The following CD2AP variants were observed in gnomAD, a reference collection of about 807,000 sequenced individuals.
The protein encoded by CD2AP is CD2 associated protein.
In CD2AP, 46 loss-of-function variants were observed where a neutral mutation model predicts 85.1. That is an observed-to-expected ratio of 0.54 (90% CI 0.43 to 0.69). The LOEUF is 0.69. Among genes scored for constraint, CD2AP ranks in the 30% least tolerant of loss-of-function variants. The probability of loss-of-function intolerance (pLI) is 0.00; values close to 1 mark genes in which losing one functional copy is unlikely to be tolerated. For synonymous variants in CD2AP, 255 were observed against 252.9 expected (o/e 1.01, Z -0.08); for missense variants, 769 against 729.5 (o/e 1.05, Z -0.62).
chr6:47,537,073 G>T (rs1341380002), intron 3 of CD2AP, among the ~76,000 whole-genome samples: 1 of 152,174 alleles, frequency 6.6e-6, no homozygotes, highest in East Asian at 1.9e-4. Flanking sequence ...GAGTGTAAAA[G>T]ATACATTGAG....
intron 17 of CD2AP, among the ~76,000 whole-genome samples, chr6:47,622,414 G>A (rs1262936445): frequency 2.0e-5 from 3 of 150,240 alleles, no homozygotes; most frequent in Admixed American, 2.0e-4. Context: ...TTCTCCCTGT[G>A]GAGTTTTACC....
chr6:47,591,507 A>AT (rs1473792499), intron 11 of CD2AP, among the ~76,000 whole-genome samples: 2 of 152,132 alleles, frequency 1.3e-5, no homozygotes, highest in Non-Finnish European at 2.9e-5. Context: ...TAGGTAGTAC[A>AT]TTTTTTCTCT....
chr6:47,594,002 A>C (rs1170993129), intron 11 of CD2AP, among the ~76,000 whole-genome samples: 1 of 152,104 alleles, frequency 6.6e-6, no homozygotes, highest in Non-Finnish European at 1.5e-5. Flanking sequence ...AAGAGGCTAA[A>C]CTGCTAAAAC....
chr6:47,590,425 A>G (rs901672637), intron 11 of CD2AP, among the ~76,000 whole-genome samples: 2 of 152,138 alleles, frequency 1.3e-5, no homozygotes, highest in Non-Finnish European at 2.9e-5. Flanking sequence ...GAGACAAAAA[A>G]GATAGAAAAT....
chr6:47,614,821 C>T (rs538252312), intron 17 of CD2AP, among the ~76,000 whole-genome samples: 2 of 152,298 alleles, frequency 1.3e-5, no homozygotes, highest in African/African-American at 4.8e-5. Context: ...TTCATTCTTT[C>T]TTTGCTCAGG....
chr6:47,544,722 G>A lies in CD2AP; in HGVS notation c.420+16G>A. 10 of 1,421,576 alleles carry A rather than the reference G, an allele frequency of 7.0e-6. No homozygotes were observed. Among genetic ancestry groups the A allele is most frequent in the Non-Finnish European group, 1.0e-5 (10 of 1,004,840 alleles). 88.1% of individuals were successfully genotyped at this position (1,421,576 alleles called of 1,614,324 possible). ...TAATGAAGAGGTAAGGAAAAAATGT[G>A]TTACAGGTAAAACAGTAATGGTAAT... On this transcript the variant is annotated intron_variant, in intron 4 of 17. Coordinates refer to ENST00000359314, the MANE Select transcript of CD2AP (RefSeq NM_012120.3).
At chr6:47,542,685 A>G (rs530697467) in intron 3 of CD2AP, among the ~76,000 whole-genome samples, 1 of 152,280 alleles carries the variant, frequency 6.6e-6, no homozygotes, top group South Asian at 2.1e-4. Context: ...GTAAATTTAT[A>G]CTATCTTCAT....
At chr6:47,560,748 T>A (rs933549176) in intron 5 of CD2AP, among the ~76,000 whole-genome samples, 2 of 152,184 alleles carry the variant, frequency 1.3e-5, no homozygotes, top group Non-Finnish European at 2.9e-5. Flanking sequence ...GCCACTGTAC[T>A]TTTACTGTTT....
intron 1 of CD2AP, 138 bp from the exon 2 acceptor site, chr6:47,503,142 T>C: frequency 6.1e-6 from 5 of 816,836 alleles, no homozygotes; most frequent in East Asian, 2.7e-5. Context: ...TTTAAAGTAA[T>C]TGAAATCAGC....
chr6:47,623,742 A>T (rs999522155), intron 17 of CD2AP, among the ~76,000 whole-genome samples: 1 of 152,170 alleles, frequency 6.6e-6, no homozygotes, highest in Admixed American at 6.6e-5. Context: ...CAAGTGATTT[A>T]ACAATAATTA....
At chr6:47,499,801 T>C (rs1765955411) in intron 1 of CD2AP, among the ~76,000 whole-genome samples, 1 of 152,202 alleles carries the variant, frequency 6.6e-6, no homozygotes, top group African/African-American at 2.4e-5. Context: ...CGACCTCGGC[T>C]CACTGCAACT....
At chr6:47,515,917 C>G (rs4715025) in intron 2 of CD2AP, among the ~76,000 whole-genome samples, 34,444 of 151,248 alleles carry the variant, frequency 0.23, 4,076 homozygotes, top group Non-Finnish European at 0.27. Flanking sequence ...AATTCAAAGA[C>G]TAAAGATGGA....
At chr6:47,503,495 AT>A in intron 2 of CD2AP, 55 bp downstream of exon 2, 1 of 1,386,296 alleles carries the variant, frequency 7.2e-7, no homozygotes, top group Non-Finnish European at 1.0e-6. Flanking sequence ...TAATCTTTAA[AT>A]GTTAAGAAAT....
chr6:47,492,479 A>G (rs1055098630), intron 1 of CD2AP, among the ~76,000 whole-genome samples: 1 of 151,206 alleles, frequency 6.6e-6, no homozygotes, highest in Admixed American at 6.6e-5. Flanking sequence ...TAGGCTCCCA[A>G]GTAGCTAGGA....
At chr6:47,572,977 G>A (rs144595088) in intron 5 of CD2AP, among the ~76,000 whole-genome samples, 3 of 151,744 alleles carry the variant, frequency 2.0e-5, no homozygotes, top group Admixed American at 6.6e-5. Context: ...TCCTTACCCC[G>A]TACCCCCGGT....
rs1156342196 is a variant in CD2AP, at chr6:47,626,157, G to A, written c.*1930G>A. ...CAGGCTGTTCTTAAAGTTTTTGTTG[G>A]TCATTTTCTCAATAGTACATGAAAT... is the stretch of plus-strand genomic sequence containing the variant. On this transcript the variant is annotated 3_prime_UTR_variant, in exon 18 of 18. Coordinates refer to ENST00000359314, the MANE Select transcript of CD2AP (RefSeq NM_012120.3). The A allele has an allele frequency of 5.3e-5, 8 of 151,876 alleles. No homozygotes were observed. The highest frequency in any genetic ancestry group is 1.4e-4 in the African/African-American group (6 of 41,410). 9.4% of individuals were successfully genotyped at this position (151,876 alleles called of 1,614,324 possible). A position where few individuals can be genotyped will look rare whatever the true frequency, so the allele number is the denominator to read the frequency against.
chr6:47,483,692 C>G (rs189208554), intron 1 of CD2AP, among the ~76,000 whole-genome samples: 3 of 152,044 alleles, frequency 2.0e-5, no homozygotes, highest in African/African-American at 7.2e-5. Context: ...TCCAGAATTA[C>G]TGGGGTGAAT....
intron 8 of CD2AP, among the ~76,000 whole-genome samples, chr6:47,577,434 A>AT (rs754355534): frequency 2.8e-4 from 42 of 151,802 alleles, no homozygotes; most frequent in Non-Finnish European, 5.0e-4. Context: ...ACCTCATTCT[A>AT]TTTTTTCTCC....
At position 47,581,998 on chromosome 6, in the gene CD2AP, C is replaced by T. The variant is rs371140357; in HGVS notation, c.1046-5C>T. 1.5e-5 allele frequency: 24 copies of T among 1,591,870 alleles called. No homozygotes were observed. In the East Asian group the frequency reaches 3.8e-4, roughly 25 times the overall value. On this transcript the variant is annotated splice_region_variant and splice_polypyrimidine_tract_variant and intron_variant, in intron 10 of 17. Coordinates refer to ENST00000359314, the MANE Select transcript of CD2AP (RefSeq NM_012120.3). ...TTAAAAAAGTATTAATGTTTTTTCCCATAGCTCCAAAGCCTGAACTGATAG... is the reference window on the plus strand; with the variant it reads ...TTAAAAAAGTATTAATGTTTTTTCCTATAGCTCCAAAGCCTGAACTGATAG...
Sources: gnomAD v4.1 joint callset for allele counts (sites outside exome capture counted in the v4.1 genomes callset) on GRCh38, gnomAD v4.1.1 for gene constraint, MANE v1.5 for transcripts, NCBI Gene and HGNC (gene_info 2026-07-23, HGNC 2026-07-21) for gene names.